Variants in SLC4A4 observed in about 807,000 individuals in gnomAD.
SLC4A4 encodes solute carrier family 4 member 4.
Under a neutral mutation model 111.5 loss-of-function variants are expected in SLC4A4, and 27 were observed. That is an observed-to-expected ratio of 0.24 (90% CI 0.18 to 0.33). The LOEUF (loss-of-function observed/expected upper bound fraction) is 0.33, where lower values mean the gene tolerates loss of function less well. SLC4A4 is among the 10% of genes least tolerant of loss of function. The pLI is 1.00. For missense variants in SLC4A4, 909 were observed against 1,315.5 expected (o/e 0.69, Z 4.78); for synonymous variants, 443 against 463.4 (o/e 0.96, Z 0.57).
intron 2 of SLC4A4, among the ~76,000 whole-genome samples, chr4:71,162,054 T>C (rs1744627871): frequency 6.6e-6 from 1 of 152,202 alleles, no homozygotes; most frequent in Non-Finnish European, 1.5e-5. Context: ...TGCCAAGCAG[T>C]GGCCTTAATT....
chr4:71,525,438 T>C (rs1733331361), intron 16 of SLC4A4, among the ~76,000 whole-genome samples: 1 of 152,186 alleles, frequency 6.6e-6, no homozygotes, highest in Non-Finnish European at 1.5e-5. Flanking sequence ...CCGTCTTTCA[T>C]AAATTGAGGT....
chr4:71,183,387 A>C (rs1220928610), upstream of SLC4A4, among the ~76,000 whole-genome samples: 1 of 152,194 alleles, frequency 6.6e-6, no homozygotes, highest in Non-Finnish European at 1.5e-5. Flanking sequence ...AGCTTCCAAA[A>C]ACTGTGTTCA....
Position 71,076,319 on chromosome 4 carries a change from C to G in SLC4A4, c.-65+13531C>G, listed in dbSNP as rs1052586864. ...GCTGAGCTGGGCGGATCAACGGAGGCCAGAAGTTCAAGACCAGCCTGGCCA... is the reference window on the plus strand; with the variant it reads ...GCTGAGCTGGGCGGATCAACGGAGGGCAGAAGTTCAAGACCAGCCTGGCCA... On this transcript the variant is annotated intron_variant, in intron 1 of 26. Transcript: ENST00000649996. Among the ~76,000 whole-genome samples the G allele has an allele frequency of 3.9e-5, 6 of 151,946 alleles. No individual in the cohort carries two copies. In the South Asian group the frequency reaches 1.2e-3, roughly 32 times the overall value.
chr4:71,363,650 C>T (rs1017521398), intron 6 of SLC4A4, among the ~76,000 whole-genome samples: 1 of 152,210 alleles, frequency 6.6e-6, no homozygotes, highest in Non-Finnish European at 1.5e-5. Context: ...CTCAGGCCCA[C>T]ATCACCTGAA....
At chr4:71,189,028 T>C (rs1461149482) in intron 1 of SLC4A4, among the ~76,000 whole-genome samples, 1 of 152,214 alleles carries the variant, frequency 6.6e-6, no homozygotes, top group Non-Finnish European at 1.5e-5. Context: ...CTCTCATATA[T>C]GTAGATGGAG....
intron 13 of SLC4A4, 98 bp from the exon 14 acceptor site, chr4:71,472,601 G>T: frequency 7.9e-7 from 1 of 1,263,280 alleles, no homozygotes; most frequent in South Asian, 1.2e-5. Context: ...AGGTGATCTT[G>T]TATTTTTGTC....
rs1488328439 is a variant in SLC4A4, at chr4:71,103,724, G to A, written c.-2+10932G>A. Among the ~76,000 whole-genome samples the A allele has an allele frequency of 3.9e-5, 6 of 152,058 alleles. No individual in the cohort carries two copies. In the South Asian group the frequency reaches 6.3e-4, roughly 16 times the overall value. ...AATAAAGATGTTCTTTGAAACCAAC[G>A]AGAACAAAGACACAACATACCAGAA... is the stretch of plus-strand genomic sequence containing the variant. On this transcript the variant is annotated intron_variant, in intron 2 of 26. Coordinates refer to the SLC4A4 transcript ENST00000649996.
At chr4:71,367,307 G>A (rs543277351) in intron 6 of SLC4A4, among the ~76,000 whole-genome samples, 3 of 152,126 alleles carry the variant, frequency 2.0e-5, no homozygotes, top group African/African-American at 7.2e-5. Context: ...AGAAGCTAAA[G>A]GAATATGAAT....
At chr4:71,227,467 A>T (rs1719126101) in intron 1 of SLC4A4, among the ~76,000 whole-genome samples, 2 of 152,204 alleles carry the variant, frequency 1.3e-5, no homozygotes, top group African/African-American at 4.8e-5. Context: ...GAGAAGGCAG[A>T]TGGGAATCCA....
At chr4:71,320,855 T>C (rs886402307) in intron 3 of SLC4A4, among the ~76,000 whole-genome samples, 1 of 152,038 alleles carries the variant, frequency 6.6e-6, no homozygotes, top group South Asian at 2.1e-4. Context: ...AGTGACTAAA[T>C]ACTTTCTCTA....
intron 15 of SLC4A4, among the ~76,000 whole-genome samples, chr4:71,495,849 T>C (rs149896532): frequency 3.4e-4 from 51 of 152,210 alleles, no homozygotes; most frequent in African/African-American, 9.1e-4. Flanking sequence ...GAGTAAGTTA[T>C]GGGTATTTAG....
At chr4:71,377,478 G>A (rs945956167) in intron 6 of SLC4A4, among the ~76,000 whole-genome samples, 1 of 152,186 alleles carries the variant, frequency 6.6e-6, no homozygotes, top group Non-Finnish European at 1.5e-5. Context: ...TGGGGTGAGA[G>A]GAAGAGCAGG....
At position 71,528,913 on chromosome 4, in the gene SLC4A4, C is replaced by T. The variant is rs1733678671; in HGVS notation, c.2167-3149C>T. 2.0e-5 allele frequency among the ~76,000 whole-genome samples: 3 copies of T among 151,852 alleles called. No homozygotes were observed. The South Asian group carries it at 6.3e-4, about 32-fold the overall frequency. ...TATATTTGCAAGTGTTAAAATTCAT[C>T]TCTACATAGTAGAATTGAAAAACAT... On this transcript the variant is annotated intron_variant, in intron 16 of 25. Coordinates refer to ENST00000264485, the MANE Select transcript of SLC4A4 (RefSeq NM_001098484.3).
intron 1 of SLC4A4, among the ~76,000 whole-genome samples, chr4:71,195,758 G>A (rs533816427): frequency 6.6e-6 from 1 of 152,222 alleles, no homozygotes; most frequent in Non-Finnish European, 1.5e-5. Context: ...GTATACTATG[G>A]ATTTAGGGAA....
chr4:71,247,634 T>C (rs1720771995), intron 2 of SLC4A4, among the ~76,000 whole-genome samples: 1 of 152,202 alleles, frequency 6.6e-6, no homozygotes, highest in Non-Finnish European at 1.5e-5. Context: ...CTATTGTTTT[T>C]TTATCTTCCA....
intron 1 of SLC4A4, among the ~76,000 whole-genome samples, chr4:71,091,253 A>T (rs796288364): frequency 0.036 from 4,522 of 125,504 alleles, 215 homozygotes; most frequent in African/African-American, 0.11. Flanking sequence ...TGGCCTTGAA[A>T]TTTTTTTTTT....
intron 1 of SLC4A4, among the ~76,000 whole-genome samples, chr4:71,074,932 T>C (rs1741766200): frequency 6.6e-6 from 1 of 152,172 alleles, no homozygotes; most frequent in South Asian, 2.1e-4. Context: ...CTACTTCTGG[T>C]ACAGTGTCAG....
At chr4:71,293,433 C>T (rs1470836972) in intron 3 of SLC4A4, among the ~76,000 whole-genome samples, 1 of 151,524 alleles carries the variant, frequency 6.6e-6, no homozygotes, top group Non-Finnish European at 1.5e-5. Flanking sequence ...TGTGGTGATG[C>T]ACACCTGTAG....
intron 16 of SLC4A4, among the ~76,000 whole-genome samples, chr4:71,524,107 A>G (rs1475067225): frequency 2.6e-5 from 4 of 152,172 alleles, no homozygotes; most frequent in Non-Finnish European, 5.9e-5. Flanking sequence ...TTCCTGTGAT[A>G]GACTTCACAT....
Sources: gnomAD v4.1 joint callset for allele counts (sites outside exome capture counted in the v4.1 genomes callset) on GRCh38, gnomAD v4.1.1 for gene constraint, MANE v1.5 for transcripts, NCBI Gene and HGNC (gene_info 2026-07-23, HGNC 2026-07-21) for gene names.